The following GCGR variants were observed in gnomAD, a reference collection of about 807,000 sequenced individuals.
GCGR encodes the protein glucagon receptor.
Under a neutral mutation model 56.1 loss-of-function variants are expected in GCGR, and 41 were observed. The ratio of observed to expected loss-of-function variants is 0.73; its 90% CI spans 0.57 to 0.95. The LOEUF (loss-of-function observed/expected upper bound fraction) is 0.95, where lower values mean the gene tolerates loss of function less well. Among genes scored for constraint, GCGR ranks in the 40% least tolerant of loss-of-function variants. The pLI is 0.00. For synonymous variants in GCGR, 278 were observed against 271.1 expected, an observed-to-expected ratio of 1.03 and a Z score of -0.25; for missense variants, 595 against 638.2, an observed-to-expected ratio of 0.93 and a Z score of 0.73.
chr17:81,808,398 G>A (rs953792277), intron 1 of GCGR, among the ~76,000 whole-genome samples: 2 of 152,132 alleles, frequency 1.3e-5, no homozygotes, highest in African/African-American at 4.8e-5. Flanking sequence ...TCAACCTGCA[G>A]GAAGGTGGCT....
Position 81,811,691 on chromosome 17 carries a change from A to G in GCGR, c.698A>G (p.Tyr233Cys), listed in dbSNP as rs550072079. ...GCRVAAVFMQ[Y>C]GIVANYCWLL... The stretch of plus-strand genomic sequence containing the variant: ...CGTGTGGCCGCGGTGTTCATGCAAT[A>G]TGGCATCGTGGCCAACTACTGCTGG... The change falls in exon 8 of 14, where the codon TAT (tyrosine) becomes TGT (cysteine). Residue 233 changes from tyrosine to cysteine, a missense_variant. Tyr to Cys is a radical substitution (Grantham distance 194). Coordinates refer to ENST00000400723, the MANE Select transcript of GCGR (RefSeq NM_000160.5). The surrounding 1 kb of genome is among the most constrained non-coding windows in gnomAD (Gnocchi z 5.8). 2 of 1,541,534 alleles carry G rather than the reference A, an allele frequency of 1.3e-6. No individual in the cohort carries two copies. The highest frequency in any genetic ancestry group is 1.7e-6 in the Non-Finnish European group (2 of 1,149,892).
At chr17:81,809,642 T>C (rs958052811) in intron 2 of GCGR, 140 bp from the exon 3 acceptor site, 230 of 668,026 alleles carry the variant, frequency 3.4e-4, no homozygotes, top group Non-Finnish European at 5.0e-4. Flanking sequence ...TGCCTGTCTG[T>C]CTGCCTGTCT....
At chr17:81,807,047 C>T (rs1450788126) in intron 1 of GCGR, among the ~76,000 whole-genome samples, 3 of 151,452 alleles carry the variant, frequency 2.0e-5, no homozygotes, top group East Asian at 1.9e-4. Flanking sequence ...TCACCCAGCC[C>T]GGCTCAGTGG....
chr17:81,805,501 A>G (rs2037939726), intron 1 of GCGR, among the ~76,000 whole-genome samples: 1 of 148,672 alleles, frequency 6.7e-6, no homozygotes, highest in Non-Finnish European at 1.5e-5. Flanking sequence ...GAGCCCCCCC[A>G]TTGGGCACCT....
In GCGR at chr17:81,812,366, C is replaced by A; in HGVS notation, c.948+114C>A. The stretch of plus-strand genomic sequence containing the variant: ...GAGAGCGCTGGGAGGGAGCCGGCAC[C>A]CAGACAGGACACCAGGACACTGGCC... On this transcript the variant is annotated intron_variant, in intron 10 of 13. Coordinates refer to ENST00000400723, the MANE Select transcript of GCGR (RefSeq NM_000160.5). The surrounding 1 kb of genome is among the most constrained non-coding windows in gnomAD (Gnocchi z 8.5). 8.0e-7 allele frequency: 1 copy of A among 1,243,638 alleles called. No individual in the cohort carries two copies. The highest frequency in any genetic ancestry group is 1.1e-6 in the Non-Finnish European group (1 of 888,400). 77.0% of individuals were successfully genotyped at this position (1,243,638 alleles called of 1,614,324 possible).
At chr17:81,808,767 C>G (rs971047371) in intron 1 of GCGR, 75 bp from the exon 2 acceptor site, 6 of 568,520 alleles carry the variant, frequency 1.1e-5, no homozygotes, top group African/African-American at 7.5e-5. Flanking sequence ...GATCCACCCC[C>G]CTCGGCCTCC....
chr17:81,810,946 G>A lies in GCGR; in HGVS notation c.271+14G>A. 6.5e-7 allele frequency: 1 copy of A among 1,536,152 alleles called. No homozygotes were observed. The highest frequency in any genetic ancestry group is 8.7e-7 in the Non-Finnish European group (1 of 1,146,664). ...GGCACCACAAAGGTACCCATAGAGG[G>A]GAGGAACTGTGGGGGGGGCGGGCCC... On this transcript the variant is annotated intron_variant, in intron 4 of 13. Coordinates refer to ENST00000400723, the MANE Select transcript of GCGR (RefSeq NM_000160.5). The surrounding 1 kb of genome is among the most constrained non-coding windows in gnomAD (Gnocchi z 4.6).
At chr17:81,809,653 GCC>G in intron 2 of GCGR, 127 bp from the exon 3 acceptor site, 1 of 699,564 alleles carries the variant, frequency 1.4e-6, no homozygotes, top group South Asian at 1.7e-5. Flanking sequence ...CTGCCTGTCT[GCC>G]TGTCTGTCTG....
In GCGR at chr17:81,811,724, T is replaced by C. The variant is rs1276798780; in HGVS notation, c.731T>C (p.Val244Ala). The C allele has an allele frequency of 6.5e-7, 1 of 1,544,128 alleles. No homozygotes were observed. The highest frequency in any genetic ancestry group is 2.4e-5 in the East Asian group (1 of 41,380). Reference protein sequence around the residue: ...GIVANYCWLLVEGLYLHNLLG... With the variant: ...GIVANYCWLLAEGLYLHNLLG... The stretch of plus-strand genomic sequence containing the variant: ...GTGGCCAACTACTGCTGGCTGCTGG[T>C]GGAGGGCCTGTACCTGCACAACCTG... Residue 244 changes from valine (V) to alanine (A), a missense_variant, in exon 8 of 14, where the codon GTG (valine) becomes GCG (alanine). Coordinates refer to ENST00000400723, the MANE Select transcript of GCGR (RefSeq NM_000160.5). The surrounding 1 kb of genome is among the most constrained non-coding windows in gnomAD (Gnocchi z 5.8).
chr17:81,813,165 G>T lies in GCGR; in HGVS notation c.1218+108G>T, dbSNP rs533773103. 29 of 1,474,838 alleles carry T rather than the reference G, an allele frequency of 2.0e-5. 1 individual carries two copies. The East Asian group carries it at 3.9e-4, about 20-fold the overall frequency. 91.4% of individuals were successfully genotyped at this position (1,474,838 alleles called of 1,614,324 possible). Reference sequence around the variant, plus strand: ...CACCCCTGCCCGGGGGTTGGAACACGTGGGGCCCAAGCCTTTCCCTCCCCC... The same window carrying T: ...CACCCCTGCCCGGGGGTTGGAACACTTGGGGCCCAAGCCTTTCCCTCCCCC... On this transcript the variant is annotated intron_variant, in intron 13 of 13. Coordinates refer to ENST00000400723, the MANE Select transcript of GCGR (RefSeq NM_000160.5). The surrounding 1 kb of genome is among the most constrained non-coding windows in gnomAD (Gnocchi z 5.3).
At position 81,811,949 on chromosome 17, in the gene GCGR, G is replaced by A. The variant is rs1425530779; in HGVS notation, c.878+3G>A. ...AAGTGTCTGTTCGAGAACGTCCAGT[G>A]AGTATGAGCGGCTGGACAGCCTGGG... On this transcript the variant is annotated splice_donor_region_variant and intron_variant, in intron 9 of 13. Transcript: ENST00000400723. This position sits in a 1 kb window ranked among gnomAD's most constrained non-coding sequence, Gnocchi z 5.8. The A allele has an allele frequency of 6.5e-7, 1 of 1,536,896 alleles. No individual in the cohort carries two copies. Among genetic ancestry groups the A allele is most frequent in the Non-Finnish European group, 8.7e-7 (1 of 1,146,878 alleles).
In GCGR at chr17:81,812,972, G is replaced by C. The variant is rs781447870; in HGVS notation, c.1176+27G>C. The C allele has an allele frequency of 6.5e-7, 1 of 1,535,906 alleles. No individual in the cohort carries two copies. ...TGCCCGCCCGCCCGCCGGCTCCCCCGCCCGGGGCGCAGTGTGCCACCCCTG... is the reference window on the plus strand; with the variant it reads ...TGCCCGCCCGCCCGCCGGCTCCCCCCCCCGGGGCGCAGTGTGCCACCCCTG... On this transcript the variant is annotated intron_variant, in intron 12 of 13. Coordinates refer to ENST00000400723, the MANE Select transcript of GCGR (RefSeq NM_000160.5). The surrounding 1 kb of genome is among the most constrained non-coding windows in gnomAD (Gnocchi z 8.5).
Position 81,813,895 on chromosome 17 carries a change from G to A in GCGR, c.*206G>A. 1 of 597,720 alleles carries A rather than the reference G, an allele frequency of 1.7e-6. No individual in the cohort carries two copies. 37.0% of individuals were successfully genotyped at this position (597,720 alleles called of 1,614,324 possible). A position where few individuals can be genotyped will look rare whatever the true frequency, so the allele number is the denominator to read the frequency against. On this transcript the variant is annotated 3_prime_UTR_variant, in exon 14 of 14. Coordinates refer to ENST00000400723, the MANE Select transcript of GCGR (RefSeq NM_000160.5). The surrounding 1 kb of genome is among the most constrained non-coding windows in gnomAD (Gnocchi z 5.3). ...CCCTGGTGCAGAGGTGAGCAGAGGAGTCCAGGGCGGGAGTGGGGGCTGTGC... is the reference window on the plus strand; with the variant it reads ...CCCTGGTGCAGAGGTGAGCAGAGGAATCCAGGGCGGGAGTGGGGGCTGTGC...
rs755602452 is a variant in GCGR at position 81,810,923 on chromosome 17, C to A, written c.262C>A (p.His88Asn). Residue 88 changes from histidine (H) to asparagine (N), a missense_variant, in exon 4 of 14, where the codon CAC becomes AAC. Transcript: ENST00000400723. The surrounding 1 kb of genome is among the most constrained non-coding windows in gnomAD (Gnocchi z 4.6). ...NISCPWYLPW[H>N]HKVQHRFVFK... ...CTCCTGCCCCTGGTACCTGCCTTGG[C>A]ACCACAAAGGTACCCATAGAGGGGA... 97 of 1,535,666 alleles carry A rather than the reference C, an allele frequency of 6.3e-5. No homozygotes were observed. Among genetic ancestry groups the A allele is most frequent in the Non-Finnish European group, 8.0e-5 (92 of 1,146,366 alleles).
chr17:81,807,873 C>T (rs995090172), intron 1 of GCGR, among the ~76,000 whole-genome samples: 4 of 152,248 alleles, frequency 2.6e-5, no homozygotes, highest in African/African-American at 7.2e-5. Context: ...CTGGCTGTGG[C>T]ATGGGGACCA....
chr17:81,809,726 T>TCTGTCTGCCTGC (rs745907164), intron 2 of GCGR, 56 bp from the exon 3 acceptor site: 191,291 of 1,297,210 alleles, frequency 0.15, 15,607 homozygotes, highest in Admixed American at 0.22. Context: ...TGTCTGCCTG[T>TCTGTCTGCCTGC]CTGTCTGCCT....
Position 81,813,630 on chromosome 17 carries a change from T to G in GCGR, c.1375T>G (p.Ser459Ala). Residue 459 changes from serine to alanine, a missense_variant, in exon 14 of 14, where the codon TCA becomes GCA. By Grantham distance (99) the Ser-to-Ala change is moderately conservative. Coordinates refer to ENST00000400723, the MANE Select transcript of GCGR (RefSeq NM_000160.5). The surrounding 1 kb of genome is among the most constrained non-coding windows in gnomAD (Gnocchi z 5.3). ...QFGRGGGSQDSSAETPLAGGL... is the reference protein window; with the variant it reads ...QFGRGGGSQDASAETPLAGGL... ...TGGGAGGGGTGGTGGCAGCCAGGAT[T>G]CATCTGCGGAGACCCCCTTGGCTGG... 6.5e-7 allele frequency: 1 copy of G among 1,536,394 alleles called. No homozygotes were observed. Among genetic ancestry groups the G allele is most frequent in the Non-Finnish European group, 8.7e-7 (1 of 1,146,836 alleles).
In GCGR at chr17:81,810,532, G is replaced by A. The variant is rs1029050325; in HGVS notation, c.164-293G>A. 1 of 531,446 alleles carries A rather than the reference G, an allele frequency of 1.9e-6. No homozygotes were observed. Among genetic ancestry groups the A allele is most frequent in the Non-Finnish European group, 3.4e-6 (1 of 293,296 alleles). 32.9% of individuals were successfully genotyped at this position (531,446 alleles called of 1,614,324 possible). A position where few individuals can be genotyped will look rare whatever the true frequency, so the allele number is the denominator to read the frequency against. On this transcript the variant is annotated intron_variant, in intron 3 of 13. Coordinates refer to ENST00000400723, the MANE Select transcript of GCGR (RefSeq NM_000160.5). The surrounding 1 kb of genome is among the most constrained non-coding windows in gnomAD (Gnocchi z 4.6). ...TGGGGGACCCCAGTGTGGGTTTGGG[G>A]CACATTTGAGATGGGGGGTCTCCAA...
At position 81,813,342 on chromosome 17, in the gene GCGR, G is replaced by T; in HGVS notation, c.1219-132G>T. On this transcript the variant is annotated intron_variant, in intron 13 of 13. Coordinates refer to ENST00000400723, the MANE Select transcript of GCGR (RefSeq NM_000160.5). The surrounding 1 kb of genome is among the most constrained non-coding windows in gnomAD (Gnocchi z 5.3). ...ATGCTGGGTGGCATAGCTGTGCCCA[G>T]CAGGGAGCTTGTGTCGCTCTGCACC... The T allele has an allele frequency of 1.1e-6, 1 of 950,684 alleles. No individual in the cohort carries two copies. Among genetic ancestry groups the T allele is most frequent in the Non-Finnish European group, 1.6e-6 (1 of 641,468 alleles). 58.9% of individuals were successfully genotyped at this position (950,684 alleles called of 1,614,324 possible). A position where few individuals can be genotyped will look rare whatever the true frequency, so the allele number is the denominator to read the frequency against.
Sources: gnomAD v4.1 joint callset for allele counts (sites outside exome capture counted in the v4.1 genomes callset) on GRCh38, gnomAD v4.1.1 for gene constraint, Gnocchi (gnomAD v3.1) non-coding constraint, MANE v1.5 for transcripts, NCBI Gene and HGNC (gene_info 2026-07-23, HGNC 2026-07-21) for gene names.